The following ATP1A4 variants were observed in gnomAD, a reference collection of about 807,000 sequenced individuals.
ATP1A4 encodes sodium/potassium-transporting ATPase subunit alpha-4.
In ATP1A4, 90 loss-of-function variants were observed where a neutral mutation model predicts 114.3. The observed-to-expected ratio is 0.79, with a 90% confidence interval of 0.66 to 0.94. ATP1A4 has a LOEUF of 0.94. Ranked by LOEUF, ATP1A4 falls within the 40% of genes least tolerant of loss-of-function variation. ATP1A4 has a pLI of 0.00. For synonymous variants in ATP1A4, 511 were observed against 494.1 expected, an observed-to-expected ratio of 1.03 and a Z score of -0.45; for missense variants, 1,222 against 1,313.6, an observed-to-expected ratio of 0.93 and a Z score of 1.08.
chr1:160,185,778 G>T lies in ATP1A4; in HGVS notation c.2970-498G>T, dbSNP rs569816874. 2.6e-5 allele frequency among the ~76,000 whole-genome samples: 4 copies of T among 151,994 alleles called. No individual in the cohort carries two copies. In the East Asian group the frequency reaches 5.9e-4, roughly 22 times the overall value. ...TACTAAAAATACAAAAATTAGCCGG[G>T]CATGGTGGAAGGCGCCTGTAGTCCC... On this transcript the variant is annotated intron_variant, in intron 20 of 21. Coordinates refer to ENST00000368081, the MANE Select transcript of ATP1A4 (RefSeq NM_144699.4).
At chr1:160,166,850 G>A (rs1431953810) in intron 8 of ATP1A4, 118 bp from the exon 9 acceptor site, 2 of 1,495,858 alleles carry the variant, frequency 1.3e-6, no homozygotes, top group African/African-American at 1.4e-5. Context: ...GAAGAGGGAG[G>A]TGTGAAGGAA....
chr1:160,159,456 C>G lies in ATP1A4; in HGVS notation c.708C>G (p.Ser236=), dbSNP rs1652793879. ...GGGAGTCAGAACCCCAGAGCCGCTC[C>G]CCTGACTTCACCCATGAGAACCCTC... The part of the protein sequence containing the change: ...LTGESEPQSR[S]PDFTHENPLE... Residue 236 remains serine, a synonymous_variant, in exon 6 of 22, where the codon TCC becomes TCG. Transcript: ENST00000368081. 8.7e-6 allele frequency: 14 copies of G among 1,614,030 alleles called. No individual in the cohort carries two copies. In the East Asian group the frequency reaches 3.1e-4, roughly 36 times the overall value.
At chr1:160,178,247 C>T (rs536756569) in intron 18 of ATP1A4, among the ~76,000 whole-genome samples, 10 of 151,866 alleles carry the variant, frequency 6.6e-5, no homozygotes, top group Non-Finnish European at 1.3e-4. Flanking sequence ...CCCAACCACT[C>T]GGGAGGCTGA....
At chr1:160,162,284 A>G (rs1397040820) in intron 6 of ATP1A4, among the ~76,000 whole-genome samples, 2 of 152,242 alleles carry the variant, frequency 1.3e-5, no homozygotes, top group East Asian at 1.9e-4. Context: ...TAAAGCAGGA[A>G]GAATTACTTT....
rs757224961 is a variant in ATP1A4 at position 160,164,184 on chromosome 1, G to T, written c.807G>T (p.Thr269=). The T allele has an allele frequency of 6.2e-7, 1 of 1,614,124 alleles. No individual in the cohort carries two copies. Among genetic ancestry groups the T allele is most frequent in the Non-Finnish European group, 8.5e-7 (1 of 1,180,008 alleles). The stretch of plus-strand genomic sequence containing the variant: ...CCGCCCGGGGTATTGTGATTGCTAC[G>T]GGAGACTCCACAGTGATGGGCAGAA... The part of the protein sequence containing the change: ...EGTARGIVIA[T]GDSTVMGRIA... The change falls in exon 7 of 22, where the codon ACG becomes ACT. Residue 269 remains threonine, a synonymous_variant. Transcript: ENST00000368081.
chr1:160,168,923 T>C (rs1359691743), intron 10 of ATP1A4, among the ~76,000 whole-genome samples: 1 of 152,208 alleles, frequency 6.6e-6, no homozygotes, highest in African/African-American at 2.4e-5. Flanking sequence ...AGCCTTTAAC[T>C]GGAAAGAATT....
At chr1:160,181,285 A>G (rs1470538919) in intron 18 of ATP1A4, among the ~76,000 whole-genome samples, 1 of 152,020 alleles carries the variant, frequency 6.6e-6, no homozygotes, top group Non-Finnish European at 1.5e-5. Context: ...GGGCACAGTG[A>G]GTCACGCCTG....
At chr1:160,153,967 C>T (rs540367864) in intron 2 of ATP1A4, among the ~76,000 whole-genome samples, 1 of 152,212 alleles carries the variant, frequency 6.6e-6, no homozygotes, top group African/African-American at 2.4e-5. Flanking sequence ...TTGGCAGGTT[C>T]TACTATCATT....
intron 6 of ATP1A4, 49 bp from the exon 7 acceptor site, chr1:160,164,106 CT>C (rs1558019999): frequency 1.3e-6 from 2 of 1,595,560 alleles, no homozygotes. Flanking sequence ...AATATCTATA[CT>C]TCTTATCATA....
chr1:160,183,953 CTT>C (rs35692428), intron 20 of ATP1A4, among the ~76,000 whole-genome samples: 17 of 129,124 alleles, frequency 1.3e-4, no homozygotes, highest in African/African-American at 1.1e-4. Flanking sequence ...ATTGATAATG[CTT>C]TTTTTTTTTT....
Position 160,173,657 on chromosome 1 carries a change from C to T in ATP1A4, c.1931C>T (p.Thr644Ile). The T allele has an allele frequency of 1.1e-5, 17 of 1,614,168 alleles. No individual in the cohort carries two copies. Among genetic ancestry groups the T allele is most frequent in the Non-Finnish European group, 1.4e-5 (17 of 1,180,028 alleles). The change falls in exon 13 of 22, where the codon ACT (threonine) becomes ATT (isoleucine). Residue 644 changes from threonine (T) to isoleucine (I), a missense_variant. Transcript: ENST00000368081. ...GGTGTGGGCATCATCTCAGAAGGCA[C>T]TGAGACGGCAGAGGAAGTCGCTGCC... is the stretch of plus-strand genomic sequence containing the variant. ...AKGVGIISEGTETAEEVAARL... is the reference protein window; with the variant it reads ...AKGVGIISEGIETAEEVAARL...
chr1:160,185,716 C>T (rs895804804), intron 20 of ATP1A4, among the ~76,000 whole-genome samples: 3 of 151,610 alleles, frequency 2.0e-5, no homozygotes, highest in African/African-American at 4.8e-5. Flanking sequence ...GTCTGGAGTT[C>T]GAGACCATCC....
At chr1:160,156,632 A>G (rs1652680119) in intron 4 of ATP1A4, among the ~76,000 whole-genome samples, 1 of 152,106 alleles carries the variant, frequency 6.6e-6, no homozygotes, top group Non-Finnish European at 1.5e-5. Flanking sequence ...CAGGAGTTTG[A>G]GATGCTATCT....
intron 4 of ATP1A4, among the ~76,000 whole-genome samples, 200 bp from the exon 5 acceptor site, chr1:160,158,802 A>G (rs965915786): frequency 7.3e-5 from 11 of 151,564 alleles, no homozygotes; most frequent in African/African-American, 2.7e-4. Context: ...GAAGAGCGTC[A>G]AAGTCACATT....
intron 18 of ATP1A4, among the ~76,000 whole-genome samples, chr1:160,177,928 TC>T (rs1409508236): frequency 6.6e-6 from 1 of 152,244 alleles, no homozygotes; most frequent in Non-Finnish European, 1.5e-5. Flanking sequence ...GTCCTTTGGC[TC>T]CTTGGAGTCT....
intron 18 of ATP1A4, among the ~76,000 whole-genome samples, chr1:160,179,586 C>A (rs1191395224): frequency 2.0e-5 from 3 of 152,210 alleles, no homozygotes; most frequent in African/African-American, 4.8e-5. Context: ...CCGGGAAGTG[C>A]ATGATGCACT....
At chr1:160,156,568 G>A (rs1057387534) in intron 4 of ATP1A4, among the ~76,000 whole-genome samples, 3 of 152,146 alleles carry the variant, frequency 2.0e-5, no homozygotes, top group African/African-American at 7.2e-5. Flanking sequence ...ACCAGGCATA[G>A]TGGCTCACGC....
chr1:160,186,296 C>A lies in ATP1A4; in HGVS notation c.2990C>A (p.Ala997Asp), dbSNP rs146097961. The change falls in exon 21 of 22, where the codon GCC (alanine) becomes GAC (aspartate). Residue 997 changes from alanine to aspartate, a missense_variant. Ala to Asp is a moderately radical substitution (Grantham distance 126). Coordinates refer to ENST00000368081, the MANE Select transcript of ATP1A4 (RefSeq NM_144699.4). The stretch of plus-strand genomic sequence containing the variant: ...TACAGGATAACCTGGTGGCTCTGTG[C>A]CATTCCCTACAGTATTCTCATCTTC... ...YPLKITWWLC[A>D]IPYSILIFVY... is the part of the protein sequence containing the mutation. 3 of 1,613,014 alleles carry A rather than the reference C, an allele frequency of 1.9e-6. No individual in the cohort carries two copies. The highest frequency in any genetic ancestry group is 1.7e-6 in the Non-Finnish European group (2 of 1,179,606).
In ATP1A4 at chr1:160,171,687, T is replaced by A. The variant is rs775013643; in HGVS notation, c.1784T>A (p.Ile595Lys). ...PMDNLCFVGL[I>K]SMIDPPRAAV... The stretch of plus-strand genomic sequence containing the variant: ...GACAACCTTTGTTTTGTGGGCCTCA[T>A]ATCCATGATTGACCCTCCCCGAGCT... The change falls in exon 12 of 22, where the codon ATA becomes AAA. Residue 595 changes from isoleucine to lysine, a missense_variant. By Grantham distance (102) the Ile-to-Lys change is moderately radical (BLOSUM62 -3). Coordinates refer to ENST00000368081, the MANE Select transcript of ATP1A4 (RefSeq NM_144699.4). The A allele has an allele frequency of 6.2e-7, 1 of 1,614,170 alleles. No individual in the cohort carries two copies. The highest frequency in any genetic ancestry group is 2.2e-5 in the East Asian group (1 of 44,866).
Sources: gnomAD v4.1 joint callset for allele counts (sites outside exome capture counted in the v4.1 genomes callset) on GRCh38, gnomAD v4.1.1 for gene constraint, MANE v1.5 for transcripts, NCBI Gene and HGNC (gene_info 2026-07-23, HGNC 2026-07-21) for gene names.